Variants in CSMD3 observed in about 807,000 individuals in gnomAD.
The protein encoded by CSMD3 is CUB and Sushi multiple domains 3.
CSMD3 carries 177 observed loss-of-function variants against 435.2 expected under a neutral mutation model. That is an observed-to-expected ratio of 0.41 (90% CI 0.36 to 0.46). The LOEUF (loss-of-function observed/expected upper bound fraction) is 0.46. Ranked by LOEUF, CSMD3 falls within the 20% of genes least tolerant of loss-of-function variation. The pLI, the probability that CSMD3 is intolerant of heterozygous loss-of-function variation, is 0.34. For synonymous variants in CSMD3, 1,656 were observed against 1,520.5 expected (o/e 1.09, Z -2.07); for missense variants, 4,265 against 4,504.6 (o/e 0.95, Z 1.52).
chr8:113,283,282 C>A (rs2093624903), intron 2 of CSMD3, among the ~76,000 whole-genome samples: 1 of 151,832 alleles, frequency 6.6e-6, no homozygotes, highest in African/African-American at 2.4e-5. Flanking sequence ...GGAACATTCA[C>A]CAGAGTAAGC....
intron 11 of CSMD3, 96 bp from the exon 12 acceptor site, chr8:112,829,885 G>GCACACA (rs57982384): frequency 1.5e-4 from 92 of 600,176 alleles, no homozygotes; most frequent in Middle Eastern, 4.2e-4. Flanking sequence ...TTGTCTCTCT[G>GCACACA]CACACACACA....
intron 22 of CSMD3, among the ~76,000 whole-genome samples, chr8:112,607,863 A>T (rs766624120): frequency 6.6e-6 from 1 of 152,176 alleles, no homozygotes; most frequent in Non-Finnish European, 1.5e-5. Context: ...AAACATTGAA[A>T]AGCTAAAAGC....
At chr8:113,358,789 G>C (rs2094251426) in intron 1 of CSMD3, among the ~76,000 whole-genome samples, 1 of 151,900 alleles carries the variant, frequency 6.6e-6, no homozygotes, top group Non-Finnish European at 1.5e-5. Flanking sequence ...GGATGGTCGT[G>C]GATGGGGCAG....
At chr8:113,240,134 T>C (rs760631576) in intron 3 of CSMD3, among the ~76,000 whole-genome samples, 4 of 152,136 alleles carry the variant, frequency 2.6e-5, no homozygotes, top group Non-Finnish European at 5.9e-5. Flanking sequence ...GTTAGTTTGC[T>C]AAAGATAATG....
chr8:112,840,505 G>A (rs996784104), intron 11 of CSMD3, among the ~76,000 whole-genome samples: 2 of 151,674 alleles, frequency 1.3e-5, no homozygotes, highest in Non-Finnish European at 3.0e-5. Flanking sequence ...TAATAACAAT[G>A]TAGTGTATAT....
rs181712226 is a variant in CSMD3, at chr8:112,515,000, G to C, written c.4756+2034C>G. Among the ~76,000 whole-genome samples, 545 of 151,428 alleles carry C rather than the reference G, an allele frequency of 3.6e-3. 1 individual carries two copies. The highest frequency in any genetic ancestry group is 0.013 in the African/African-American group (522 of 41,334). Reference sequence around the variant, plus strand: ...ATAATACACAGTATCATTATCTATAGAAAAACCTCACACAACCTGCTTAAC... The same window carrying C: ...ATAATACACAGTATCATTATCTATACAAAAACCTCACACAACCTGCTTAAC... On this transcript the variant is annotated intron_variant, in intron 28 of 70. Transcript: ENST00000297405.
chr8:112,552,537 G>C (rs2131200163), intron 26 of CSMD3, 57 bp downstream of exon 26: 3 of 1,518,156 alleles, frequency 2.0e-6, no homozygotes, highest in East Asian at 2.3e-5. Flanking sequence ...TTTTATATAG[G>C]GGTTGGTTAG....
intron 3 of CSMD3, among the ~76,000 whole-genome samples, chr8:113,242,182 A>C (rs2132250232): frequency 6.6e-6 from 1 of 152,034 alleles, no homozygotes; most frequent in African/African-American, 2.4e-5. Flanking sequence ...ATTGTATGGT[A>C]CTTGGATCTA....
chr8:112,251,818 T>C (rs188311349), intron 63 of CSMD3, among the ~76,000 whole-genome samples: 43 of 152,012 alleles, frequency 2.8e-4, no homozygotes, highest in African/African-American at 9.4e-4. Flanking sequence ...AGTGTGTATG[T>C]GTGCTTGTCA....
At chr8:113,341,953 T>G (rs2094121880) in intron 1 of CSMD3, among the ~76,000 whole-genome samples, 1 of 152,118 alleles carries the variant, frequency 6.6e-6, no homozygotes, top group Admixed American at 6.6e-5. Flanking sequence ...CTTTATAATG[T>G]AACCTCTTTG....
At chr8:112,507,727 T>C (rs1293946951) in intron 28 of CSMD3, among the ~76,000 whole-genome samples, 1 of 152,192 alleles carries the variant, frequency 6.6e-6, no homozygotes, top group African/African-American at 2.4e-5. Flanking sequence ...TCTGGCAACA[T>C]TTCAGCATTT....
At chr8:113,421,137 G>A (rs2954900) in intron 1 of CSMD3, among the ~76,000 whole-genome samples, 81,287 of 151,796 alleles carry the variant, frequency 0.54, 22,113 homozygotes, top group Admixed American at 0.68. Context: ...CCAAATTTCT[G>A]AGACCAAAAG....
intron 13 of CSMD3, among the ~76,000 whole-genome samples, chr8:112,738,163 G>A (rs1165699253): frequency 1.3e-5 from 2 of 151,698 alleles, no homozygotes; most frequent in Admixed American, 1.3e-4. Context: ...CCATAAGTAT[G>A]CTTATATGGC....
chr8:112,734,225 A>G (rs2077136525), intron 13 of CSMD3, among the ~76,000 whole-genome samples: 1 of 151,678 alleles, frequency 6.6e-6, no homozygotes, highest in Non-Finnish European at 1.5e-5. Flanking sequence ...AACAGTTTTG[A>G]AAGAGAAAGA....
chr8:113,038,758 A>G (rs1053964687), intron 5 of CSMD3, among the ~76,000 whole-genome samples: 13 of 152,266 alleles, frequency 8.5e-5, no homozygotes, highest in African/African-American at 3.1e-4. Flanking sequence ...GAAAGACCAT[A>G]ATATAAAATC....
At chr8:112,346,668 C>CTTTTTTT (rs1563820913) in intron 40 of CSMD3, among the ~76,000 whole-genome samples, 14 of 129,208 alleles carry the variant, frequency 1.1e-4, no homozygotes, top group African/African-American at 4.0e-4. Flanking sequence ...CCCTCCTTTT[C>CTTTTTTT]CTTTTTTTTT....
chr8:113,134,384 G>C (rs2091361594), intron 4 of CSMD3, among the ~76,000 whole-genome samples: 1 of 151,884 alleles, frequency 6.6e-6, no homozygotes, highest in East Asian at 1.9e-4. Flanking sequence ...ATATGTATTA[G>C]ACATATTTTA....
intron 1 of CSMD3, among the ~76,000 whole-genome samples, chr8:113,421,362 C>T (rs1427174817): frequency 3.9e-5 from 6 of 152,124 alleles, no homozygotes; most frequent in Non-Finnish European, 5.9e-5. Context: ...TGCCTAATGA[C>T]TTTTCTTATG....
intron 4 of CSMD3, among the ~76,000 whole-genome samples, chr8:113,160,957 A>C (rs1304515355): frequency 6.6e-6 from 1 of 152,074 alleles, no homozygotes; most frequent in Non-Finnish European, 1.5e-5. Context: ...AAGGTGCTAA[A>C]ATTTATGGGG....
Sources: gnomAD v4.1 joint callset for allele counts (sites outside exome capture counted in the v4.1 genomes callset) on GRCh38, gnomAD v4.1.1 for gene constraint, MANE v1.5 for transcripts, NCBI Gene and HGNC (gene_info 2026-07-23, HGNC 2026-07-21) for gene names.